PRKG2: variants seen among roughly 807,000 people sequenced by gnomAD.
PRKG2 encodes the protein protein kinase cGMP-dependent 2.
PRKG2 carries 33 observed loss-of-function variants against 97.2 expected under a neutral mutation model. The observed-to-expected ratio is 0.34, with a 90% CI of 0.26 to 0.45. The LOEUF is 0.45. Among genes scored for constraint, PRKG2 ranks in the 20% least tolerant of loss-of-function variants. The pLI is 1.00. For missense variants in PRKG2, 638 were observed against 900.0 expected, an observed-to-expected ratio of 0.71 and a Z score of 3.73; for synonymous variants, 330 against 321.8, an observed-to-expected ratio of 1.03 and a Z score of -0.27.
At chr4:81,093,515 GC>G (rs1741811335) in intron 17 of PRKG2, among the ~76,000 whole-genome samples, 1 of 152,026 alleles carries the variant, frequency 6.6e-6, no homozygotes, top group Non-Finnish European at 1.5e-5. Flanking sequence ...CCACTAGAAA[GC>G]AAGCTCCATG....
At chr4:81,156,652 T>A (rs1350247707) in intron 6 of PRKG2, among the ~76,000 whole-genome samples, 1 of 152,248 alleles carries the variant, frequency 6.6e-6, no homozygotes, top group South Asian at 2.1e-4. Flanking sequence ...ACGCCACACC[T>A]ACTCCAAAAT....
rs544703788 is a variant in PRKG2 at position 81,117,427 on chromosome 4, A to C, written c.1777-6816T>G. 1.5e-3 allele frequency among the ~76,000 whole-genome samples: 223 copies of C among 152,268 alleles called. 3 individuals carry two copies. In the South Asian group the frequency reaches 0.024, roughly 16 times the overall value. On this transcript the variant is annotated intron_variant, in intron 14 of 18. Coordinates refer to ENST00000264399, the MANE Select transcript of PRKG2 (RefSeq NM_006259.3). ...TAAAATACCAAATAGAAGTACTTATACCACTGACTTTTGAGAGTTAGTGGT... is the reference window on the plus strand; with the variant it reads ...TAAAATACCAAATAGAAGTACTTATCCCACTGACTTTTGAGAGTTAGTGGT...
intron 2 of PRKG2, among the ~76,000 whole-genome samples, chr4:81,185,374 A>C (rs1303215722): frequency 1.3e-5 from 2 of 152,018 alleles, no homozygotes; most frequent in Non-Finnish European, 2.9e-5. Context: ...ATCCAGCCAA[A>C]CTAAGCTTTA....
chr4:81,169,250 C>G (rs1750253073), intron 5 of PRKG2, among the ~76,000 whole-genome samples: 1 of 151,952 alleles, frequency 6.6e-6, no homozygotes, highest in Non-Finnish European at 1.5e-5. Flanking sequence ...TCAGGTAAAG[C>G]AAATAAGCAT....
chr4:81,118,088 A>C lies in PRKG2; in HGVS notation c.1777-7477T>G, dbSNP rs186305279. On this transcript the variant is annotated intron_variant, in intron 14 of 18. Coordinates refer to ENST00000264399, the MANE Select transcript of PRKG2 (RefSeq NM_006259.3). Reference sequence around the variant, plus strand: ...TACAAAATGTCATTTAGTTGGAATAATGAAGTATGTAAGCTTTGTGGATTG... The same window carrying C: ...TACAAAATGTCATTTAGTTGGAATACTGAAGTATGTAAGCTTTGTGGATTG... Among the ~76,000 whole-genome samples the C allele has an allele frequency of 8.5e-5, 13 of 152,338 alleles. No homozygotes were observed. The East Asian group carries it at 2.1e-3, about 25-fold the overall frequency.
chr4:81,152,168 A>C (rs1362199637), intron 7 of PRKG2, 114 bp from the exon 8 acceptor site: 1 of 760,224 alleles, frequency 1.3e-6, no homozygotes, highest in Non-Finnish European at 2.1e-6. Context: ...AAGGAAAAAG[A>C]CAATACTTTG....
intron 14 of PRKG2, among the ~76,000 whole-genome samples, chr4:81,121,976 T>A (rs776077854): frequency 6.6e-6 from 1 of 152,208 alleles, no homozygotes; most frequent in African/African-American, 2.4e-5. Flanking sequence ...AGTTGCTCTG[T>A]TAACACATCC....
intron 14 of PRKG2, among the ~76,000 whole-genome samples, chr4:81,116,938 G>A (rs184146547): frequency 1.9e-3 from 276 of 144,070 alleles, no homozygotes; most frequent in Middle Eastern, 4.1e-3. Flanking sequence ...TGCCTAGTTT[G>A]CAAAAATTTT....
At chr4:81,092,049 T>A (rs1741593621) in intron 18 of PRKG2, among the ~76,000 whole-genome samples, 1 of 152,186 alleles carries the variant, frequency 6.6e-6, no homozygotes, top group Non-Finnish European at 1.5e-5. Context: ...TTCACCTTTT[T>A]AAAATGGCTA....
At chr4:81,148,473 A>AAC (rs1424251673) in intron 9 of PRKG2, among the ~76,000 whole-genome samples, 6 of 152,318 alleles carry the variant, frequency 3.9e-5, no homozygotes, top group Middle Eastern at 3.4e-3. Context: ...ATATGTAGCT[A>AAC]ATATATATTT....
At chr4:81,092,902 T>A (rs1417066493) in intron 17 of PRKG2, among the ~76,000 whole-genome samples, 1 of 152,112 alleles carries the variant, frequency 6.6e-6, no homozygotes, top group East Asian at 1.9e-4. Flanking sequence ...CAGTCTTCAA[T>A]ACCTTCACTC....
intron 12 of PRKG2, among the ~76,000 whole-genome samples, chr4:81,139,656 T>C (rs958013070): frequency 6.6e-6 from 1 of 151,528 alleles, no homozygotes; most frequent in African/African-American, 2.4e-5. Flanking sequence ...GTGCCTGTAG[T>C]TCCAGCTACT....
intron 6 of PRKG2, among the ~76,000 whole-genome samples, chr4:81,155,019 A>C (rs1403003295): frequency 6.7e-6 from 1 of 148,852 alleles, no homozygotes; most frequent in Non-Finnish European, 1.5e-5. Context: ...CTAAAAATAC[A>C]AAAAAAAAAT....
At chr4:81,103,469 C>T (rs116377502) in intron 17 of PRKG2, among the ~76,000 whole-genome samples, 3,886 of 151,826 alleles carry the variant, frequency 0.026, 167 homozygotes, top group African/African-American at 0.089. Flanking sequence ...ATGTCCATTA[C>T]CCAAAAAGTA....
intron 14 of PRKG2, among the ~76,000 whole-genome samples, chr4:81,120,432 A>G (rs1281357498): frequency 6.6e-6 from 1 of 152,192 alleles, no homozygotes; most frequent in African/African-American, 2.4e-5. Context: ...CTTTCAATCG[A>G]TGAACATGGA....
chr4:81,092,189 TATCC>T (rs1456793841), intron 18 of PRKG2, among the ~76,000 whole-genome samples, 193 bp downstream of exon 18: 1 of 152,082 alleles, frequency 6.6e-6, no homozygotes, highest in Non-Finnish European at 1.5e-5. Flanking sequence ...GGTAAGTTAA[TATCC>T]ATCAGCTAGG....
intron 2 of PRKG2, among the ~76,000 whole-genome samples, chr4:81,191,487 A>AG (rs1307644924): frequency 6.6e-6 from 1 of 152,066 alleles, no homozygotes; most frequent in East Asian, 1.9e-4. Context: ...AATGTAGATG[A>AG]GGGGTTGATG....
In PRKG2 at chr4:81,111,440, T is replaced by C. The variant is rs562598762; in HGVS notation, c.1777-829A>G. On this transcript the variant is annotated intron_variant, in intron 14 of 18. Coordinates refer to ENST00000264399, the MANE Select transcript of PRKG2 (RefSeq NM_006259.3). ...TATACATGATTAATATTATATCATGTTATACATGATTAATATTATATCATG... is the reference window on the plus strand; with the variant it reads ...TATACATGATTAATATTATATCATGCTATACATGATTAATATTATATCATG... Among the ~76,000 whole-genome samples the C allele has an allele frequency of 2.6e-5, 4 of 151,974 alleles. No individual in the cohort carries two copies. The East Asian group carries it at 7.7e-4, about 29-fold the overall frequency.
intron 17 of PRKG2, among the ~76,000 whole-genome samples, chr4:81,099,287 G>T (rs1379183004): frequency 2.0e-5 from 3 of 152,094 alleles, no homozygotes; most frequent in Non-Finnish European, 4.4e-5. Context: ...CAATATCCTT[G>T]ATGAACATTG....
Sources: gnomAD v4.1 joint callset for allele counts (sites outside exome capture counted in the v4.1 genomes callset) on GRCh38, gnomAD v4.1.1 for gene constraint, MANE v1.5 for transcripts, NCBI Gene and HGNC (gene_info 2026-07-23, HGNC 2026-07-21) for gene names.